The following CNBD1 variants were observed in gnomAD, a reference collection of about 807,000 sequenced individuals.
CNBD1 encodes the protein cyclic nucleotide binding domain containing 1.
A neutral mutation model predicts 54.4 loss-of-function variants in CNBD1; 71 were observed. The ratio of observed to expected loss-of-function variants is 1.30; its 90% confidence interval spans 1.08 to 1.59. The LOEUF is 1.59. Among genes scored for constraint, CNBD1 ranks in the 40% most tolerant of loss-of-function variants. The pLI is 0.00. For synonymous variants in CNBD1, 182 were observed against 170.7 expected (o/e 1.07, Z -0.51); for missense variants, 659 against 518.0 (o/e 1.27, Z -2.64).
At chr8:86,954,449 TCA>T (rs1807707452) in intron 4 of CNBD1, among the ~76,000 whole-genome samples, 5 of 152,232 alleles carry the variant, frequency 3.3e-5, no homozygotes, top group Admixed American at 3.3e-4. Context: ...GTCAATATGT[TCA>T]CACACAGATT....
chr8:87,344,445 T>A (rs1810129090), intron 8 of CNBD1, among the ~76,000 whole-genome samples: 1 of 152,102 alleles, frequency 6.6e-6, no homozygotes, highest in African/African-American at 2.4e-5. Context: ...AAATAATTTT[T>A]AAAAATTTTC....
intron 3 of CNBD1, among the ~76,000 whole-genome samples, chr8:86,934,321 G>T (rs1809507582): frequency 6.6e-6 from 1 of 152,076 alleles, no homozygotes; most frequent in South Asian, 2.1e-4. Context: ...CATATGTAAG[G>T]AACATAACGA....
At chr8:87,077,341 T>C (rs887060390) in intron 4 of CNBD1, among the ~76,000 whole-genome samples, 8 of 152,054 alleles carry the variant, frequency 5.3e-5, no homozygotes, top group Admixed American at 1.3e-4. Flanking sequence ...TATGAATGGC[T>C]ATCTTCTTGC....
chr8:87,393,836 A>G (rs776484656), intron 2 of CNBD1, among the ~76,000 whole-genome samples: 20 of 151,810 alleles, frequency 1.3e-4, no homozygotes, highest in Non-Finnish European at 2.5e-4. Context: ...AATGGAAGAG[A>G]GACAGGTAAT....
At position 87,099,487 on chromosome 8, in the gene CNBD1, G is replaced by A. The variant is rs180805310; in HGVS notation, c.432-106506G>A. Among the ~76,000 whole-genome samples the A allele has an allele frequency of 4.2e-3, 638 of 152,270 alleles. 4 individuals are homozygous for A. Among genetic ancestry groups the A allele is most frequent in the African/African-American group, 0.015 (604 of 41,550 alleles). On this transcript the variant is annotated intron_variant, in intron 4 of 10. Coordinates refer to ENST00000518476, the MANE Select transcript of CNBD1 (RefSeq NM_173538.3). Reference sequence around the variant, plus strand: ...GATGTCGAAAATCAATTAGAGGGCCGTCGTCAATGCTAAGATGAGTGATGA... The same window carrying A: ...GATGTCGAAAATCAATTAGAGGGCCATCGTCAATGCTAAGATGAGTGATGA...
chr8:87,304,242 T>C (rs1225891666), intron 8 of CNBD1, among the ~76,000 whole-genome samples: 5 of 151,930 alleles, frequency 3.3e-5, no homozygotes, highest in Non-Finnish European at 2.9e-5. Context: ...AACCCAAATG[T>C]CCAACAATGA....
chr8:87,423,166 A>G (rs1301449973), intron 2 of CNBD1, among the ~76,000 whole-genome samples: 1 of 152,136 alleles, frequency 6.6e-6, no homozygotes, highest in East Asian at 1.9e-4. Context: ...AGCTTTAAGG[A>G]GATTTTGGGC....
chr8:87,226,505 A>G (rs994283443), intron 5 of CNBD1, among the ~76,000 whole-genome samples: 6 of 146,810 alleles, frequency 4.1e-5, no homozygotes, highest in African/African-American at 1.3e-4. Context: ...TGTACCCAGT[A>G]GTCATTCAGG....
At chr8:87,077,035 A>G (rs549348841) in intron 4 of CNBD1, among the ~76,000 whole-genome samples, 1 of 152,324 alleles carries the variant, frequency 6.6e-6, no homozygotes, top group South Asian at 2.1e-4. Context: ...TGACAAAGCA[A>G]ATCAGAGTTT....
intron 2 of CNBD1, among the ~76,000 whole-genome samples, chr8:87,405,556 AG>A (rs942175434): frequency 9.2e-5 from 14 of 152,114 alleles, no homozygotes; most frequent in African/African-American, 3.1e-4. Flanking sequence ...GCCTAAGACA[AG>A]GTTACCACTT....
chr8:87,293,264 G>A (rs1287578497), intron 8 of CNBD1, among the ~76,000 whole-genome samples: 1 of 152,038 alleles, frequency 6.6e-6, no homozygotes. Context: ...TTAAAGTCAG[G>A]CCGGACACAG....
intron 4 of CNBD1, among the ~76,000 whole-genome samples, chr8:87,004,043 C>T (rs540139719): frequency 7.2e-5 from 11 of 152,232 alleles, no homozygotes; most frequent in Admixed American, 5.9e-4. Flanking sequence ...CAGAATTAAA[C>T]GTGACATACC....
rs563846529 is a variant in CNBD1, at chr8:87,327,416, T to C, written c.1043-24269T>C. Among the ~76,000 whole-genome samples the C allele has an allele frequency of 1.2e-3, 186 of 152,180 alleles. 1 individual carries two copies. The highest frequency in any genetic ancestry group is 3.5e-3 in the African/African-American group (146 of 41,532). ...CCCTCCCCCACCCTCGCTGCTGCCTTGCAGTTTGATCTCAGACTGCTGTGC... is the reference window on the plus strand; with the variant it reads ...CCCTCCCCCACCCTCGCTGCTGCCTCGCAGTTTGATCTCAGACTGCTGTGC... On this transcript the variant is annotated intron_variant, in intron 8 of 10. Coordinates refer to ENST00000518476, the MANE Select transcript of CNBD1 (RefSeq NM_173538.3).
intron 2 of CNBD1, among the ~76,000 whole-genome samples, chr8:86,889,844 GA>G (rs1257736616): frequency 1.3e-5 from 2 of 152,058 alleles, no homozygotes; most frequent in African/African-American, 4.8e-5. Context: ...ATGTTCAGTA[GA>G]AATAAATATC....
At chr8:87,005,551 T>G (rs181313925) in intron 4 of CNBD1, among the ~76,000 whole-genome samples, 1 of 151,986 alleles carries the variant, frequency 6.6e-6, no homozygotes, top group Admixed American at 6.6e-5. Flanking sequence ...GTATCCATGT[T>G]TTTGCACTTC....
intron 4 of CNBD1, among the ~76,000 whole-genome samples, chr8:86,984,014 C>A (rs955986355): frequency 1.1e-4 from 16 of 152,144 alleles, no homozygotes; most frequent in African/African-American, 2.9e-4. Context: ...CAGCCTCTCC[C>A]ATCACAGGCT....
At chr8:86,919,436 G>A (rs1809237760) in intron 3 of CNBD1, among the ~76,000 whole-genome samples, 1 of 152,168 alleles carries the variant, frequency 6.6e-6, no homozygotes, top group African/African-American at 2.4e-5. Context: ...TGATTGACCA[G>A]TAAGGTATCT....
At chr8:87,177,030 A>G (rs541841480) in intron 4 of CNBD1, among the ~76,000 whole-genome samples, 3 of 152,208 alleles carry the variant, frequency 2.0e-5, no homozygotes, top group Non-Finnish European at 4.4e-5. Context: ...TCTGAGGCTC[A>G]TGTTCTTTAA....
chr8:87,166,078 T>C lies in CNBD1; in HGVS notation c.432-39915T>C, dbSNP rs1812957103. On this transcript the variant is annotated intron_variant, in intron 4 of 10. Coordinates refer to ENST00000518476, the MANE Select transcript of CNBD1 (RefSeq NM_173538.3). The surrounding 1 kb of genome is among the most constrained non-coding windows in gnomAD (Gnocchi z 4.3). ...TTATAAGGGCATCTTCTACCATATC[T>C]GAAATAAAACTAACTCTTGGTTTCC... 6.6e-6 allele frequency among the ~76,000 whole-genome samples: 1 copy of C among 151,940 alleles called. No homozygotes were observed. Among genetic ancestry groups the C allele is most frequent in the African/African-American group, 2.4e-5 (1 of 41,406 alleles).
Sources: allele counts gnomAD v4.1 joint callset (sites outside exome capture counted in the v4.1 genomes callset), GRCh38; gene constraint gnomAD v4.1.1; non-coding constraint Gnocchi (gnomAD v3.1); transcripts MANE v1.5; gene names NCBI Gene and HGNC (gene_info 2026-07-23, HGNC 2026-07-21).